The following LCK variants were observed in gnomAD, a reference collection of about 807,000 sequenced individuals.
LCK encodes LCK proto-oncogene, Src family tyrosine kinase.
A neutral mutation model predicts 64.6 loss-of-function variants in LCK; 14 were observed. The ratio of observed to expected loss-of-function variants is 0.22; its 90% confidence interval spans 0.14 to 0.34. The LOEUF is 0.34. LCK is among the 10% of genes least tolerant of loss of function. LCK has a pLI of 1.00. For missense variants in LCK, 434 were observed against 668.1 expected (o/e 0.65, Z 3.86); for synonymous variants, 277 against 263.6 (o/e 1.05, Z -0.49).
rs1163490761 is a variant in LCK at position 32,285,670 on chromosome 1, A to G, written c.1484A>G (p.Glu495Gly). 2 of 1,613,408 alleles carry G rather than the reference A, an allele frequency of 1.2e-6. No homozygotes were observed. The highest frequency in any genetic ancestry group is 2.2e-5 in the East Asian group (1 of 44,872). Residue 495 changes from glutamate to glycine, a missense_variant, in exon 13 of 13, where the codon GAG (glutamate) becomes GGG (glycine). Glu to Gly is a moderately conservative substitution (Grantham distance 98). Around this residue, in one of 2 missense-constraint regions of LCK, gnomAD observed 201 missense variants for 376.9 expected, o/e 0.53. Transcript: ENST00000336890. ...TTTGACTACCTGCGCAGTGTGCTGGAGGACTTCTTCACGGCCACAGAGGGC... is the reference window on the plus strand; with the variant it reads ...TTTGACTACCTGCGCAGTGTGCTGGGGGACTTCTTCACGGCCACAGAGGGC... ...PTFDYLRSVLEDFFTATEGQY... is the reference protein window; with the variant it reads ...PTFDYLRSVLGDFFTATEGQY...
intron 1 of LCK, among the ~76,000 whole-genome samples, chr1:32,267,970 G>A (rs1051114445): frequency 6.6e-6 from 1 of 152,028 alleles, no homozygotes; most frequent in African/African-American, 2.4e-5. Context: ...CGAGGCAGGA[G>A]GATCACAAGG....
chr1:32,271,206 T>C (rs1640071226), intron 1 of LCK, among the ~76,000 whole-genome samples: 1 of 151,896 alleles, frequency 6.6e-6, no homozygotes, highest in Non-Finnish European at 1.5e-5. Context: ...TCTCACTATG[T>C]TGCCCAGGCT....
chr1:32,280,238 G>C (rs748998185), intron 12 of LCK, 28 bp downstream of exon 12: 3 of 1,612,942 alleles, frequency 1.9e-6, no homozygotes, highest in Non-Finnish European at 1.7e-6. Flanking sequence ...GAACTGAAAG[G>C]GTGATGGGAA....
chr1:32,269,010 T>TGTA (rs1640005497), intron 1 of LCK, among the ~76,000 whole-genome samples: 1 of 150,242 alleles, frequency 6.7e-6, no homozygotes, highest in East Asian at 2.0e-4. Flanking sequence ...GGTGCACGCC[T>TGTA]GTAGTCCCAC....
Position 32,276,822 on chromosome 1 carries a change from G to C in LCK, c.964+36G>C, listed in dbSNP as rs768714861. 9 of 1,540,666 alleles carry C rather than the reference G, an allele frequency of 5.8e-6. No homozygotes were observed. The highest frequency in any genetic ancestry group is 7.9e-6 in the Non-Finnish European group (9 of 1,135,530). On this transcript the variant is annotated intron_variant, in intron 9 of 12. Transcript: ENST00000336890. The surrounding 1 kb of genome is among the most constrained non-coding windows in gnomAD (Gnocchi z 4.6). The stretch of plus-strand genomic sequence containing the variant: ...CCCGAGTCGGCTACCAGGGGATACT[G>C]CTCTCCCTGCTGTCCCTGCCAGAGG...
At chr1:32,274,703 C>G in intron 2 of LCK, 34 bp from the exon 3 acceptor site, 1 of 1,517,536 alleles carries the variant, frequency 6.6e-7, no homozygotes, top group Non-Finnish European at 9.0e-7. Flanking sequence ...CAATCTTCTG[C>G]TTTCTGACCC....
chr1:32,276,197 G>T lies in LCK; in HGVS notation c.631+134G>T. The T allele has an allele frequency of 1.4e-6, 2 of 1,444,202 alleles. No individual in the cohort carries two copies. Among genetic ancestry groups the T allele is most frequent in the Non-Finnish European group, 1.9e-6 (2 of 1,068,074 alleles). The allele number at this position is 1,444,202 out of a possible 1,614,324, so 89.5% of individuals were successfully genotyped here. A position where few individuals can be genotyped will look rare whatever the true frequency, so the allele number is the denominator to read the frequency against. On this transcript the variant is annotated intron_variant, in intron 7 of 12. Transcript: ENST00000336890. This position sits in a 1 kb window ranked among gnomAD's most constrained non-coding sequence, Gnocchi z 4.6. ...GGTGAGGTGTGGAACCTGACCCTAC[G>T]GCCCCAAGTGTTTGGGTGACAGCCC...
At chr1:32,268,970 C>T (rs1245343569) in intron 1 of LCK, among the ~76,000 whole-genome samples, 2 of 146,016 alleles carry the variant, frequency 1.4e-5, no homozygotes, top group Non-Finnish European at 1.5e-5. Context: ...AAATACAAAA[C>T]ACAAAATACA....
At chr1:32,284,787 G>C (rs376816767) in intron 12 of LCK, among the ~76,000 whole-genome samples, 3 of 152,204 alleles carry the variant, frequency 2.0e-5, no homozygotes, top group South Asian at 2.1e-4. Context: ...CTCGCCCAAG[G>C]TTCCACAACT....
chr1:32,269,125 A>C (rs1460984337), intron 1 of LCK, among the ~76,000 whole-genome samples: 2 of 150,110 alleles, frequency 1.3e-5, no homozygotes, highest in African/African-American at 4.9e-5. Context: ...AAAAAAAAAA[A>C]AGGAAAGAGA....
chr1:32,270,791 C>T (rs193018937), intron 1 of LCK, among the ~76,000 whole-genome samples: 2 of 144,610 alleles, frequency 1.4e-5, no homozygotes, highest in East Asian at 4.2e-4. Context: ...GCAACCTCTA[C>T]CTCCTGGGTT....
chr1:32,266,275 A>G (rs1183341863), intron 1 of LCK, among the ~76,000 whole-genome samples: 6 of 151,380 alleles, frequency 4.0e-5, no homozygotes, highest in Non-Finnish European at 8.8e-5. Flanking sequence ...GGCAAATCAC[A>G]AGGTCAGGAG....
chr1:32,253,583 G>A (rs1350419275), intron 1 of LCK, among the ~76,000 whole-genome samples: 1 of 152,116 alleles, frequency 6.6e-6, no homozygotes, highest in African/African-American at 2.4e-5. Flanking sequence ...CACCTGGCCA[G>A]CACATAGTAG....
chr1:32,276,522 G>T lies in LCK; in HGVS notation c.784+33G>T, dbSNP rs1640276402. 6.3e-7 allele frequency: 1 copy of T among 1,593,030 alleles called. No homozygotes were observed. Among genetic ancestry groups the T allele is most frequent in the Non-Finnish European group, 8.6e-7 (1 of 1,167,696 alleles). On this transcript the variant is annotated intron_variant, in intron 8 of 12. Transcript: ENST00000336890. This position sits in a 1 kb window ranked among gnomAD's most constrained non-coding sequence, Gnocchi z 4.6. Reference sequence around the variant, plus strand: ...TGGCCTCCAGGACTGCCTGGGAAGAGGGGAACGGGAGGGGCCGCTGAGGTG... The same window carrying T: ...TGGCCTCCAGGACTGCCTGGGAAGATGGGAACGGGAGGGGCCGCTGAGGTG...
chr1:32,285,820 T>C lies in LCK; in HGVS notation c.*104T>C. 2 of 1,211,038 alleles carry C rather than the reference T, an allele frequency of 1.7e-6. No individual in the cohort carries two copies. Among genetic ancestry groups the C allele is most frequent in the East Asian group, 5.1e-5 (2 of 39,166 alleles). 75.0% of individuals were successfully genotyped at this position (1,211,038 alleles called of 1,614,324 possible). A position where few individuals can be genotyped will look rare whatever the true frequency, so the allele number is the denominator to read the frequency against. ...ACATGGCCTATGCACATATGGACTC[T>C]GCACATGAATCCCACCCACATGTGA... On this transcript the variant is annotated 3_prime_UTR_variant, in exon 13 of 13. Transcript: ENST00000336890.
intron 1 of LCK, among the ~76,000 whole-genome samples, chr1:32,262,769 A>G (rs1398288433): frequency 6.6e-6 from 1 of 151,612 alleles, no homozygotes; most frequent in South Asian, 2.1e-4. Context: ...AGCCAACATG[A>G]TCTAACCAGG....
intron 1 of LCK, among the ~76,000 whole-genome samples, chr1:32,273,403 T>C (rs1640166080): frequency 1.3e-5 from 2 of 150,632 alleles, no homozygotes; most frequent in Non-Finnish European, 3.0e-5. Flanking sequence ...AGGGTGTGTG[T>C]GAGTGTGTGT....
chr1:32,279,414 T>G (rs1033423558), intron 9 of LCK, among the ~76,000 whole-genome samples: 1 of 152,140 alleles, frequency 6.6e-6, no homozygotes, highest in Non-Finnish European at 1.5e-5. Flanking sequence ...AGGATACTAG[T>G]TGAGGATTCT....
rs184505752 is a variant in LCK, at chr1:32,275,843, G to C, written c.482-71G>C. The C allele has an allele frequency of 4.4e-5, 69 of 1,576,014 alleles. No homozygotes were observed. The African/African-American group carries it at 8.1e-4, about 18-fold the overall frequency. On this transcript the variant is annotated intron_variant, in intron 6 of 12. Coordinates refer to ENST00000336890, the MANE Select transcript of LCK (RefSeq NM_005356.5). This position sits in a 1 kb window ranked among gnomAD's most constrained non-coding sequence, Gnocchi z 6.9. ...AGTTGGGGGTGCTGGGTGAGCCCAA[G>C]GTGGGGGCGCGGTGGCGGGCCAGAC...
Sources: gnomAD v4.1 joint callset for allele counts (sites outside exome capture counted in the v4.1 genomes callset) on GRCh38, gnomAD v4.1.1 for gene constraint, gnomAD v4.1.1 regional missense constraint, Gnocchi (gnomAD v3.1) non-coding constraint, MANE v1.5 for transcripts, NCBI Gene and HGNC (gene_info 2026-07-23, HGNC 2026-07-21) for gene names.